DNM3: variants seen among roughly 807,000 people sequenced by gnomAD.
DNM3 encodes dynamin-3.
Under a neutral mutation model 101.6 loss-of-function variants are expected in DNM3, and 47 were observed. That is an observed-to-expected ratio of 0.46 (90% CI 0.37 to 0.59). The LOEUF (loss-of-function observed/expected upper bound fraction) is 0.59, where lower values mean the gene tolerates loss of function less well. DNM3 is among the 20% of genes least tolerant of loss of function. DNM3 has a pLI of 0.00. For missense variants in DNM3, 849 were observed against 1,085.7 expected, an observed-to-expected ratio of 0.78 and a Z score of 3.06; for synonymous variants, 385 against 387.9, an observed-to-expected ratio of 0.99 and a Z score of 0.09.
intron 14 of DNM3, among the ~76,000 whole-genome samples, chr1:172,213,053 G>A (rs1007202960): frequency 2.0e-5 from 3 of 152,134 alleles, no homozygotes; most frequent in Middle Eastern, 3.2e-3. Context: ...ATCTCAAGAA[G>A]TTGGTTTGCA....
At chr1:172,147,515 G>T (rs1364375265) in intron 14 of DNM3, among the ~76,000 whole-genome samples, 8 of 152,066 alleles carry the variant, frequency 5.3e-5, no homozygotes, top group Admixed American at 4.6e-4. Context: ...ATTATAAAGG[G>T]TTATTAAAAG....
chr1:172,199,742 T>C (rs1483442949), intron 14 of DNM3, among the ~76,000 whole-genome samples: 1 of 152,158 alleles, frequency 6.6e-6, no homozygotes, highest in Admixed American at 6.6e-5. Context: ...TTGCCTGTTT[T>C]CCATTTGTTT....
At chr1:171,943,185 T>G (rs560913857) in intron 2 of DNM3, among the ~76,000 whole-genome samples, 4 of 152,054 alleles carry the variant, frequency 2.6e-5, no homozygotes, top group Admixed American at 2.6e-4. Flanking sequence ...GACACATGCC[T>G]GGCTTACTGA....
intron 18 of DNM3, among the ~76,000 whole-genome samples, chr1:172,379,546 T>C (rs1222236634): frequency 6.6e-6 from 1 of 152,074 alleles, no homozygotes; most frequent in Non-Finnish European, 1.5e-5. Context: ...AGGCAAAGGA[T>C]ATATTTGTTC....
At chr1:171,957,738 T>G (rs1215044186) in intron 2 of DNM3, among the ~76,000 whole-genome samples, 1 of 152,132 alleles carries the variant, frequency 6.6e-6, no homozygotes, top group Non-Finnish European at 1.5e-5. Context: ...AGAGTCACCT[T>G]TACTCCAGTT....
At chr1:171,941,006 T>C (rs1016297788) in intron 2 of DNM3, among the ~76,000 whole-genome samples, 1 of 152,210 alleles carries the variant, frequency 6.6e-6, no homozygotes, top group Non-Finnish European at 1.5e-5. Flanking sequence ...TTGTTTGCTT[T>C]AAAATAAAAT....
intron 16 of DNM3, among the ~76,000 whole-genome samples, chr1:172,318,348 ACCACT>A (rs1229175945): frequency 1.6e-4 from 25 of 152,052 alleles, no homozygotes; most frequent in Non-Finnish European, 2.6e-4. Flanking sequence ...GCCCTCTCTC[ACCACT>A]CCTATTCAAC....
intron 7 of DNM3, among the ~76,000 whole-genome samples, chr1:172,040,517 C>T (rs1024465925): frequency 4.0e-5 from 6 of 151,424 alleles, no homozygotes; most frequent in Non-Finnish European, 8.8e-5. Context: ...TTCTTTCAAG[C>T]AGCCAGTGTA....
intron 2 of DNM3, among the ~76,000 whole-genome samples, chr1:171,959,694 G>T (rs75804951): frequency 0.027 from 4,131 of 152,212 alleles, 190 homozygotes; most frequent in African/African-American, 0.092. Context: ...AGAGAAGGAA[G>T]GGGTCAAAAG....
At chr1:172,007,358 A>G (rs2046765746) in intron 4 of DNM3, among the ~76,000 whole-genome samples, 1 of 152,058 alleles carries the variant, frequency 6.6e-6, no homozygotes, top group African/African-American at 2.4e-5. Context: ...GGCAGCATTG[A>G]TGTGCATGTC....
intron 15 of DNM3, among the ~76,000 whole-genome samples, chr1:172,298,037 C>T (rs73046803): frequency 0.038 from 5,776 of 152,172 alleles, 345 homozygotes; most frequent in African/African-American, 0.12. Flanking sequence ...TTCAAAGCTG[C>T]TAATTCTAGT....
chr1:172,230,959 G>T (rs1276514202), intron 14 of DNM3, among the ~76,000 whole-genome samples: 2 of 151,950 alleles, frequency 1.3e-5, no homozygotes, highest in Admixed American at 1.3e-4. Context: ...AAATGACATA[G>T]ATCTTCTCCT....
intron 14 of DNM3, chr1:172,138,399 AGTTT>A (rs1176124492): frequency 2.7e-5 from 4 of 149,010 alleles, no homozygotes; most frequent in Non-Finnish European, 4.5e-5. Context: ...AACCATACTT[AGTTT>A]ATGGACAAGA....
intron 1 of DNM3, among the ~76,000 whole-genome samples, chr1:171,852,169 A>T (rs1410284515): frequency 6.6e-6 from 1 of 152,004 alleles, no homozygotes; most frequent in Non-Finnish European, 1.5e-5. Context: ...AAAATACATT[A>T]TATTTATACC....
chr1:171,981,825 A>G (rs2044820157), intron 2 of DNM3, among the ~76,000 whole-genome samples: 1 of 152,224 alleles, frequency 6.6e-6, no homozygotes, highest in African/African-American at 2.4e-5. Flanking sequence ...TTTTGTGAAA[A>G]TGAAATAAAT....
chr1:172,046,083 C>T (rs2049770108), intron 9 of DNM3, among the ~76,000 whole-genome samples: 1 of 152,118 alleles, frequency 6.6e-6, no homozygotes, highest in Admixed American at 6.6e-5. Flanking sequence ...ATAAATCACG[C>T]TGCTATAAAG....
At chr1:172,367,832 A>T (rs1021296887) in intron 17 of DNM3, among the ~76,000 whole-genome samples, 1 of 151,866 alleles carries the variant, frequency 6.6e-6, no homozygotes, top group Admixed American at 6.6e-5. Flanking sequence ...CTCATCTTGA[A>T]TTATAGTTCT....
chr1:171,951,796 C>T (rs778473390), intron 2 of DNM3, among the ~76,000 whole-genome samples: 14 of 152,198 alleles, frequency 9.2e-5, no homozygotes, highest in East Asian at 1.9e-4. Flanking sequence ...ATGACTATAG[C>T]GCAGGAAACA....
At chr1:172,175,052 G>A (rs1297090381) in intron 14 of DNM3, among the ~76,000 whole-genome samples, 1 of 151,568 alleles carries the variant, frequency 6.6e-6, no homozygotes, top group Admixed American at 6.6e-5. Flanking sequence ...AACAAAACAA[G>A]TACCAGGGAA....
Sources: allele counts gnomAD v4.1 joint callset (sites outside exome capture counted in the v4.1 genomes callset), GRCh38; gene constraint gnomAD v4.1.1; transcripts MANE v1.5; gene names NCBI Gene and HGNC (gene_info 2026-07-23, HGNC 2026-07-21).